Variants in E2F3 observed in about 807,000 individuals in gnomAD.
E2F3 encodes the protein transcription factor E2F3.
Under a neutral mutation model 44.4 loss-of-function variants are expected in E2F3, and 11 were observed. The observed-to-expected ratio is 0.25, with a 90% CI of 0.16 to 0.41. The LOEUF is 0.41. E2F3 is among the 10% of genes least tolerant of loss of function. The pLI is 1.00. For synonymous variants in E2F3, 249 were observed against 253.0 expected, an observed-to-expected ratio of 0.98 and a Z score of 0.15; for missense variants, 487 against 583.6, an observed-to-expected ratio of 0.83 and a Z score of 1.70.
intron 1 of E2F3, among the ~76,000 whole-genome samples, chr6:20,470,811 A>T (rs989576873): frequency 6.6e-6 from 1 of 152,268 alleles, no homozygotes; most frequent in Admixed American, 6.5e-5. Flanking sequence ...GGCATGGTGG[A>T]TAAGAACATC....
Position 20,490,448 on chromosome 6 carries a change from T to G in E2F3, c.*18T>G. The G allele has an allele frequency of 6.5e-7, 1 of 1,531,840 alleles. No individual in the cohort carries two copies. The highest frequency in any genetic ancestry group is 8.8e-7 in the Non-Finnish European group (1 of 1,139,872). The allele number at this position is 1,531,840 out of a possible 1,614,324, so 94.9% of individuals were successfully genotyped here. On this transcript the variant is annotated 3_prime_UTR_variant, in exon 7 of 7. Transcript: ENST00000346618. The surrounding 1 kb of genome is among the most constrained non-coding windows in gnomAD (Gnocchi z 4.3). Reference sequence around the variant, plus strand: ...GTAGTTGATTATGCTTCGTGTGAACTCTCCTTAAAAACCGATATTTTTTTA... The same window carrying G: ...GTAGTTGATTATGCTTCGTGTGAACGCTCCTTAAAAACCGATATTTTTTTA...
At chr6:20,414,496 T>C (rs903022925) in intron 1 of E2F3, among the ~76,000 whole-genome samples, 1 of 152,206 alleles carries the variant, frequency 6.6e-6, no homozygotes, top group Admixed American at 6.5e-5. Context: ...ATCTTGAATT[T>C]ATTTTCTTAA....
intron 1 of E2F3, among the ~76,000 whole-genome samples, chr6:20,412,226 C>T (rs577093222): frequency 2.0e-5 from 3 of 152,116 alleles, no homozygotes; most frequent in East Asian, 1.9e-4. Context: ...CCAGCTGGGC[C>T]GTGAGATGGG....
chr6:20,479,381 C>T (rs1025035465), intron 1 of E2F3, among the ~76,000 whole-genome samples: 5 of 152,128 alleles, frequency 3.3e-5, no homozygotes, highest in Admixed American at 1.3e-4. Flanking sequence ...ACAGTAATAC[C>T]GAATAAGTGT....
At chr6:20,456,284 G>A (rs543749990) in intron 1 of E2F3, among the ~76,000 whole-genome samples, 8 of 149,854 alleles carry the variant, frequency 5.3e-5, no homozygotes, top group African/African-American at 1.7e-4. Flanking sequence ...CTCAACCAAG[G>A]TTTCTTGCCA....
chr6:20,487,366 G>A (rs4134967), intron 5 of E2F3, among the ~76,000 whole-genome samples: 8,108 of 152,254 alleles, frequency 0.053, 292 homozygotes, highest in African/African-American at 0.078. Context: ...AAAAGAGAAT[G>A]AAAGTTACAC....
intron 1 of E2F3, among the ~76,000 whole-genome samples, chr6:20,472,942 C>T (rs180867833): frequency 5.9e-4 from 90 of 152,144 alleles, no homozygotes; most frequent in African/African-American, 2.1e-3. Context: ...AGGTCTAACT[C>T]GGACATATGT....
chr6:20,404,569 C>A (rs1393671072), intron 1 of E2F3, among the ~76,000 whole-genome samples: 1 of 152,194 alleles, frequency 6.6e-6, no homozygotes, highest in African/African-American at 2.4e-5. Flanking sequence ...AGCACATAGG[C>A]AGCACTTTGG....
intron 1 of E2F3, among the ~76,000 whole-genome samples, chr6:20,443,274 T>C (rs1418672837): frequency 6.6e-6 from 1 of 152,208 alleles, no homozygotes; most frequent in Non-Finnish European, 1.5e-5. Context: ...CTGCATATAG[T>C]GATTCTGCAT....
chr6:20,493,439 C>T lies in E2F3; in HGVS notation c.*3009C>T, dbSNP rs1242311217. On this transcript the variant is annotated 3_prime_UTR_variant, in exon 7 of 7. Transcript: ENST00000346618. ...CAGGGTGTGGGAATTTCTTTTCCTACGGGGTACGTGATTTTGTAAAAAGGA... is the reference window on the plus strand; with the variant it reads ...CAGGGTGTGGGAATTTCTTTTCCTATGGGGTACGTGATTTTGTAAAAAGGA... 3.1e-5 allele frequency: 7 copies of T among 226,092 alleles called. No homozygotes were observed. The highest frequency in any genetic ancestry group is 1.7e-4 in the Admixed American group (3 of 17,518). The allele number at this position is 226,092 out of a possible 1,614,324, so 14.0% of individuals were successfully genotyped here.
intron 1 of E2F3, chr6:20,403,576 GGCGGGAGGGGGC>G: frequency 6.7e-6 from 3 of 449,240 alleles, no homozygotes; most frequent in South Asian, 6.9e-5. Flanking sequence ...AGGAGGCGGC[GGCGGGAGGGGGC>G]GCTGGAGGGG....
At position 20,493,264 on chromosome 6, in the gene E2F3, G is replaced by A. The variant is rs571021462; in HGVS notation, c.*2834G>A. 9 of 224,308 alleles carry A rather than the reference G, an allele frequency of 4.0e-5. No homozygotes were observed. The highest frequency in any genetic ancestry group is 7.1e-5 in the Non-Finnish European group (8 of 112,338). The allele number at this position is 224,308 out of a possible 1,614,324, so 13.9% of individuals were successfully genotyped here. A position where few individuals can be genotyped will look rare whatever the true frequency, so the allele number is the denominator to read the frequency against. ...GCTCTTGTTTTCATTTTTGTTGTAC[G>A]TGTAGATCTGTAAATAAAATTGCAG... On this transcript the variant is annotated 3_prime_UTR_variant, in exon 7 of 7. Transcript: ENST00000346618.
chr6:20,462,706 C>T (rs1273208539), intron 1 of E2F3, among the ~76,000 whole-genome samples: 1 of 151,902 alleles, frequency 6.6e-6, no homozygotes, highest in Non-Finnish European at 1.5e-5. Flanking sequence ...AATCCGCCCA[C>T]CTCGGCCTCC....
chr6:20,463,486 C>A (rs1369462605), intron 1 of E2F3, among the ~76,000 whole-genome samples: 4 of 152,184 alleles, frequency 2.6e-5, no homozygotes, highest in Non-Finnish European at 5.9e-5. Flanking sequence ...CATTTGACAT[C>A]ATTTTATTCT....
At chr6:20,438,189 C>T (rs981706403) in intron 1 of E2F3, among the ~76,000 whole-genome samples, 1 of 152,254 alleles carries the variant, frequency 6.6e-6, no homozygotes, top group South Asian at 2.1e-4. Flanking sequence ...ACCCAATTTA[C>T]CTTACACAGT....
intron 1 of E2F3, among the ~76,000 whole-genome samples, chr6:20,420,497 C>T (rs1301520323): frequency 6.6e-6 from 1 of 151,762 alleles, no homozygotes; most frequent in Non-Finnish European, 1.5e-5. Context: ...AGAGATATTG[C>T]AGGTCTGATT....
intron 1 of E2F3, among the ~76,000 whole-genome samples, chr6:20,442,213 A>G (rs942776255): frequency 6.6e-6 from 1 of 152,256 alleles, no homozygotes; most frequent in Admixed American, 6.5e-5. Context: ...GGGCTGTGCA[A>G]CTGTATTCTT....
At chr6:20,462,114 A>T (rs902923779) in intron 1 of E2F3, among the ~76,000 whole-genome samples, 21 of 152,142 alleles carry the variant, frequency 1.4e-4, no homozygotes, top group Non-Finnish European at 2.2e-4. Context: ...GGCTACTCCT[A>T]ATTCTTTACC....
intron 1 of E2F3, among the ~76,000 whole-genome samples, chr6:20,413,760 G>A (rs925719180): frequency 5.3e-5 from 8 of 152,216 alleles, no homozygotes; most frequent in African/African-American, 1.9e-4. Context: ...AGCGAGAAAT[G>A]TGAATACGAG....
Sources: allele counts gnomAD v4.1 joint callset (sites outside exome capture counted in the v4.1 genomes callset), GRCh38; gene constraint gnomAD v4.1.1; non-coding constraint Gnocchi (gnomAD v3.1); transcripts MANE v1.5; gene names NCBI Gene and HGNC (gene_info 2026-07-23, HGNC 2026-07-21).